NUP205: variants seen among roughly 807,000 people sequenced by gnomAD.
NUP205 encodes the protein nucleoporin 205.
In NUP205, 76 loss-of-function variants were observed where a neutral mutation model predicts 253.8. The ratio of observed to expected loss-of-function variants is 0.30; its 90% CI spans 0.25 to 0.36. The LOEUF (loss-of-function observed/expected upper bound fraction) is 0.36, where lower values mean the gene tolerates loss of function less well. Ranked by LOEUF, NUP205 falls within the 10% of genes least tolerant of loss-of-function variation. NUP205 has a pLI of 1.00. For synonymous variants in NUP205, 832 were observed against 850.1 expected (o/e 0.98, Z 0.37); for missense variants, 2,162 against 2,425.5 (o/e 0.89, Z 2.28).
At chr7:135,611,902 C>A (rs1794248312) in intron 22 of NUP205, among the ~76,000 whole-genome samples, 1 of 152,120 alleles carries the variant, frequency 6.6e-6, no homozygotes, top group African/African-American at 2.4e-5. Context: ...ATCATGAGGT[C>A]AGGAGATCAA....
chr7:135,646,345 T>C, intron 42 of NUP205, 114 bp downstream of exon 42: 3 of 765,216 alleles, frequency 3.9e-6, no homozygotes, highest in Non-Finnish European at 4.4e-6. Context: ...GGAGGATTGC[T>C]TGAGCCCAGG....
chr7:135,615,802 C>T, intron 23 of NUP205, 114 bp from the exon 24 acceptor site: 2 of 562,060 alleles, frequency 3.6e-6, no homozygotes, highest in Admixed American at 3.9e-5. Context: ...TGCTGAGTTT[C>T]ATAAATTATT....
chr7:135,602,751 CTG>C, intron 17 of NUP205, 52 bp from the exon 18 acceptor site: 1 of 1,360,618 alleles, frequency 7.3e-7, no homozygotes, highest in Admixed American at 2.0e-5. Context: ...TAAGAATTGA[CTG>C]TGAGTTTTTA....
intron 19 of NUP205, among the ~76,000 whole-genome samples, chr7:135,604,912 A>C (rs764139186): frequency 6.6e-6 from 1 of 151,920 alleles, no homozygotes; most frequent in Non-Finnish European, 1.5e-5. Context: ...GAGTGTTTTT[A>C]GGAGTTCCTC....
chr7:135,601,819 A>G (rs1473956478), intron 17 of NUP205, among the ~76,000 whole-genome samples: 1 of 152,182 alleles, frequency 6.6e-6, no homozygotes, highest in Admixed American at 6.5e-5. Flanking sequence ...CCCCCACCTC[A>G]TAATATTTTT....
intron 32 of NUP205, among the ~76,000 whole-genome samples, chr7:135,625,901 A>G (rs1794578889): frequency 6.6e-6 from 1 of 152,166 alleles, no homozygotes; most frequent in Non-Finnish European, 1.5e-5. Flanking sequence ...AAATACCTGC[A>G]AAACGGCAGG....
intron 2 of NUP205, among the ~76,000 whole-genome samples, chr7:135,572,566 G>T (rs996392203): frequency 6.6e-6 from 1 of 152,056 alleles, no homozygotes; most frequent in East Asian, 1.9e-4. Context: ...TTTCCTTTGC[G>T]TGTATGTGTT....
At chr7:135,588,468 T>G (rs1321779028) in intron 10 of NUP205, among the ~76,000 whole-genome samples, 3 of 151,026 alleles carry the variant, frequency 2.0e-5, no homozygotes, top group African/African-American at 7.3e-5. Context: ...AAAGAAAATT[T>G]GAAACTCTTA....
rs188463943 is a variant in NUP205 at position 135,633,696 on chromosome 7, A to C, written c.5060-1885A>C. ...GGCCTCAAGCAATCCTCCCACTTCA[A>C]CTTTCCAAAGTGTTGGGATTACAGG... On this transcript the variant is annotated intron_variant, in intron 35 of 42. Transcript: ENST00000285968. Among the ~76,000 whole-genome samples the C allele has an allele frequency of 3.9e-5, 6 of 152,102 alleles. No individual in the cohort carries two copies. In the East Asian group the frequency reaches 5.8e-4, roughly 15 times the overall value.
chr7:135,646,597 C>CAATAAATA, intron 42 of NUP205, among the ~76,000 whole-genome samples: 1 of 151,854 alleles, frequency 6.6e-6, no homozygotes, highest in South Asian at 2.1e-4. Flanking sequence ...ACCTTGTCTC[C>CAATAAATA]AATAAATAAA....
At chr7:135,606,383 AATCTGAAACCTTTTG>A (rs1004262548) in intron 20 of NUP205, among the ~76,000 whole-genome samples, 157 bp downstream of exon 20, 75 of 152,336 alleles carry the variant, frequency 4.9e-4, no homozygotes, top group African/African-American at 1.7e-3. Context: ...TCCAAAATAA[AATCTGAAACCTTTTG>A]ACCACCACCA....
intron 19 of NUP205, among the ~76,000 whole-genome samples, chr7:135,604,789 C>G (rs180787078): frequency 1.8e-3 from 274 of 152,310 alleles, no homozygotes; most frequent in East Asian, 8.7e-3. Flanking sequence ...TGTCAGTTGC[C>G]TGTGTTCTAA....
At chr7:135,619,357 A>G (rs1794425846) in intron 28 of NUP205, 66 bp from the exon 29 acceptor site, 4 of 1,518,166 alleles carry the variant, frequency 2.6e-6, no homozygotes, top group South Asian at 2.5e-5. Flanking sequence ...AAAAAAAGCT[A>G]TGAAATTTGT....
intron 5 of NUP205, among the ~76,000 whole-genome samples, chr7:135,577,359 T>C (rs113666163): frequency 2.6e-5 from 4 of 152,316 alleles, no homozygotes; most frequent in African/African-American, 9.6e-5. Context: ...TAAATCATAA[T>C]TAGCATATCC....
Position 135,591,602 on chromosome 7 carries a change from T to C in NUP205, c.1624+2T>C, listed in dbSNP as rs1806631419. On this transcript the variant is annotated splice_donor_variant, in intron 11 of 42. Transcript: ENST00000285968. LOFTEE classifies it high-confidence loss of function. The stretch of plus-strand genomic sequence containing the variant: ...TCAAAGTCAATGGTAGTAGTCATGG[T>C]AAGGAATATGTGGATGTTGTTAAAG... The C allele has an allele frequency of 1.9e-6, 3 of 1,610,670 alleles. No individual in the cohort carries two copies. The highest frequency in any genetic ancestry group is 1.7e-6 in the Non-Finnish European group (2 of 1,179,256).
At chr7:135,599,200 C>T (rs1013522216) in intron 15 of NUP205, among the ~76,000 whole-genome samples, 2 of 152,066 alleles carry the variant, frequency 1.3e-5, no homozygotes, top group African/African-American at 4.8e-5. Context: ...CACTTAGCAT[C>T]ATGGGGATTT....
chr7:135,601,423 C>T lies in NUP205; in HGVS notation c.2428C>T (p.Leu810=), dbSNP rs148624313. 344 of 1,613,664 alleles carry T rather than the reference C, an allele frequency of 2.1e-4. No individual in the cohort carries two copies. In the African/African-American group the frequency reaches 3.6e-3, roughly 17 times the overall value. ...PPGFSLMYHL[L]NESPMLELAL... ...TGGATTTAGTCTGATGTATCATCTG[C>T]TGAATGAGTCACCAATGTTGGAGCT... Residue 810 remains leucine, a synonymous_variant, in exon 17 of 43, where the codon CTG becomes TTG. Transcript: ENST00000285968.
chr7:135,636,277 T>C (rs572160298), intron 36 of NUP205, among the ~76,000 whole-genome samples: 1 of 152,300 alleles, frequency 6.6e-6, no homozygotes, highest in South Asian at 2.1e-4. Flanking sequence ...ATCCCATTGT[T>C]TTTGATACAA....
chr7:135,619,337 G>A, intron 28 of NUP205, 86 bp from the exon 29 acceptor site: 1 of 1,416,910 alleles, frequency 7.1e-7, no homozygotes, highest in South Asian at 1.3e-5. Context: ...GCGAGACCCT[G>A]TCTTCAAAAA....
Sources: gnomAD v4.1 joint callset for allele counts (sites outside exome capture counted in the v4.1 genomes callset) on GRCh38, gnomAD v4.1.1 for gene constraint, MANE v1.5 for transcripts, NCBI Gene and HGNC (gene_info 2026-07-23, HGNC 2026-07-21) for gene names.